ZFHX3: variants seen among roughly 807,000 people sequenced by gnomAD.
ZFHX3 encodes zinc finger homeobox protein 3.
ZFHX3 carries 42 observed loss-of-function variants against 279.1 expected under a neutral mutation model. That is an observed-to-expected ratio of 0.15 (90% CI 0.12 to 0.19). The LOEUF (loss-of-function observed/expected upper bound fraction) is 0.19, where lower values mean the gene tolerates loss of function less well. ZFHX3 is among the 10% of genes least tolerant of loss of function. The pLI, the probability that ZFHX3 is intolerant of heterozygous loss-of-function variation, is 1.00. For synonymous variants in ZFHX3, 2,293 were observed against 1,957.8 expected (o/e 1.17, Z -4.52); for missense variants, 4,981 against 4,754.0 (o/e 1.05, Z -1.40).
intron 4 of ZFHX3, among the ~76,000 whole-genome samples, chr16:72,882,975 GGGGTGTGTGTGTGTGT>G (rs2038521752): frequency 1.8e-5 from 2 of 113,386 alleles, no homozygotes; most frequent in African/African-American, 7.3e-5. Flanking sequence ...ACACCACTCT[GGGGTGTGTGTGTGTGT>G]GTGTGTGTGT....
chr16:73,466,572 G>A (rs1052797567), intron 2 of ZFHX3, among the ~76,000 whole-genome samples: 1 of 152,086 alleles, frequency 6.6e-6, no homozygotes. Context: ...ATTTCTCTAT[G>A]CCTCAGTTTT....
At chr16:73,583,946 G>T (rs1357405245) in intron 2 of ZFHX3, among the ~76,000 whole-genome samples, 1 of 151,976 alleles carries the variant, frequency 6.6e-6, no homozygotes, top group Admixed American at 6.6e-5. Flanking sequence ...TACTCACTAT[G>T]AAACATGAAA....
chr16:73,590,622 GA>G (rs2051984758), intron 2 of ZFHX3, among the ~76,000 whole-genome samples: 1 of 152,174 alleles, frequency 6.6e-6, no homozygotes, highest in African/African-American at 2.4e-5. Context: ...TCATTATTTT[GA>G]AAATTGGTAA....
At chr16:72,824,938 T>C (rs2036896307) in intron 5 of ZFHX3, among the ~76,000 whole-genome samples, 1 of 152,218 alleles carries the variant, frequency 6.6e-6, no homozygotes, top group Non-Finnish European at 1.5e-5. Flanking sequence ...TGGCTGTGCA[T>C]TAGGGAAGAG....
chr16:73,154,912 G>C (rs545720532), intron 5 of ZFHX3, among the ~76,000 whole-genome samples: 1 of 152,100 alleles, frequency 6.6e-6, no homozygotes, highest in East Asian at 1.9e-4. Flanking sequence ...GGTGGCTCAC[G>C]TCTGTAATCC....
At chr16:73,591,708 A>AAG (rs910823151) in intron 2 of ZFHX3, among the ~76,000 whole-genome samples, 1 of 149,644 alleles carries the variant, frequency 6.7e-6, no homozygotes, top group Non-Finnish European at 1.5e-5. Flanking sequence ...AAAAAAAAAA[A>AAG]AAAAAAAAAA....
intron 7 of ZFHX3, among the ~76,000 whole-genome samples, chr16:73,095,963 G>A (rs558515768): frequency 6.6e-6 from 1 of 152,238 alleles, no homozygotes; most frequent in Non-Finnish European, 1.5e-5. Context: ...ACACACAGAG[G>A]GTGCCTTGAA....
chr16:73,819,816 A>G (rs1960682413), intron 1 of ZFHX3, among the ~76,000 whole-genome samples: 1 of 152,184 alleles, frequency 6.6e-6, no homozygotes, highest in African/African-American at 2.4e-5. Flanking sequence ...CAATGGACTA[A>G]TGCCAGAGTT....
chr16:73,742,315 A>G (rs971730713), intron 1 of ZFHX3, among the ~76,000 whole-genome samples: 22 of 152,192 alleles, frequency 1.4e-4, no homozygotes, highest in Admixed American at 3.3e-4. Flanking sequence ...AAGGATAGAG[A>G]GCCTGCAAGT....
At chr16:73,420,042 G>A (rs778135477) in intron 3 of ZFHX3, 3 of 151,874 alleles carry the variant, frequency 2.0e-5, no homozygotes, top group African/African-American at 7.3e-5. Context: ...AAGTACCTGG[G>A]ACTAAAGGCA....
chr16:72,967,789 G>A (rs542798053), intron 1 of ZFHX3, among the ~76,000 whole-genome samples: 19 of 151,310 alleles, frequency 1.3e-4, no homozygotes, highest in Non-Finnish European at 2.1e-4. Context: ...TTAGCCGGGC[G>A]TGGTGGCGGG....
intron 1 of ZFHX3, among the ~76,000 whole-genome samples, chr16:73,749,378 C>T (rs943028648): frequency 2.6e-5 from 4 of 152,026 alleles, no homozygotes; most frequent in Admixed American, 6.5e-5. Context: ...GGTAGGAACC[C>T]TACCTTCCAG....
intron 4 of ZFHX3, among the ~76,000 whole-genome samples, chr16:73,282,067 T>A (rs2014470461): frequency 6.6e-6 from 1 of 152,200 alleles, no homozygotes; most frequent in Non-Finnish European, 1.5e-5. Context: ...AGTCCGCGAA[T>A]TGTGTGTGCG....
At chr16:73,367,867 C>CTT (rs10718886) in intron 3 of ZFHX3, among the ~76,000 whole-genome samples, 1,411 of 115,398 alleles carry the variant, frequency 0.012, 39 homozygotes, top group African/African-American at 0.04. Flanking sequence ...TAAGGAAGGT[C>CTT]TTTTTTTTTT....
In ZFHX3 at chr16:73,495,976, C is replaced by T. The variant is rs571922805; in HGVS notation, c.-1546-39718G>A. Among the ~76,000 whole-genome samples the T allele has an allele frequency of 2.6e-5, 4 of 152,250 alleles. No individual in the cohort carries two copies. The South Asian group carries it at 6.2e-4, about 24-fold the overall frequency. On this transcript the variant is annotated intron_variant, in intron 2 of 17. Coordinates refer to the ZFHX3 transcript ENST00000641206. ...GGTCGTGCTGCAGAAACGTAGAGCA[C>T]GATTTATGGAGCCTTAACATAAATA...
At chr16:73,784,788 A>ACAAC (rs1480471032) in intron 1 of ZFHX3, among the ~76,000 whole-genome samples, 12 of 82,596 alleles carry the variant, frequency 1.5e-4, no homozygotes, top group African/African-American at 9.8e-4. Context: ...TAACAAAATA[A>ACAAC]AAAAAAAAAT....
At chr16:72,804,577 G>C (rs1317069338) in intron 7 of ZFHX3, among the ~76,000 whole-genome samples, 1 of 152,116 alleles carries the variant, frequency 6.6e-6, no homozygotes, top group Non-Finnish European at 1.5e-5. Flanking sequence ...TTCCTAGTTT[G>C]GTTCATTATT....
rs1204512046 is a variant in ZFHX3 at position 73,603,636 on chromosome 16, A to G, written c.-1547+76544T>C. 3.3e-5 allele frequency among the ~76,000 whole-genome samples: 5 copies of G among 152,316 alleles called. No homozygotes were observed. The East Asian group carries it at 5.8e-4, about 18-fold the overall frequency. On this transcript the variant is annotated intron_variant, in intron 2 of 17. Coordinates refer to the ZFHX3 transcript ENST00000641206. ...ACAAAAATTCAAAATAACATTATTT[A>G]TTATAACAAATGAACACACAAAAGT... is the stretch of plus-strand genomic sequence containing the variant.
chr16:73,466,917 C>A (rs865846526), intron 2 of ZFHX3, among the ~76,000 whole-genome samples: 1 of 152,044 alleles, frequency 6.6e-6, no homozygotes, highest in African/African-American at 2.4e-5. Context: ...AAAGATGACA[C>A]AGAGCAAAGC....
Sources: gnomAD v4.1 joint callset for allele counts (sites outside exome capture counted in the v4.1 genomes callset) on GRCh38, gnomAD v4.1.1 for gene constraint, MANE v1.5 for transcripts, NCBI Gene and HGNC (gene_info 2026-07-23, HGNC 2026-07-21) for gene names.